Variants in LPAR1 observed in about 807,000 individuals in gnomAD.
LPAR1 encodes lysophosphatidic acid receptor 1.
LPAR1 carries 5 observed loss-of-function variants against 23.8 expected under a neutral mutation model. That is an observed-to-expected ratio of 0.21 (90% CI 0.11 to 0.44). The LOEUF (loss-of-function observed/expected upper bound fraction) is 0.44, where lower values mean the gene tolerates loss of function less well. Among genes scored for constraint, LPAR1 ranks in the 20% least tolerant of loss-of-function variants. LPAR1 has a pLI of 0.99. For synonymous variants in LPAR1, 160 were observed against 164.7 expected (o/e 0.97, Z 0.22); for missense variants, 311 against 482.8 (o/e 0.64, Z 3.33).
chr9:110,892,822 AAGGAAGGC>A (rs1275052356), intron 5 of LPAR1, among the ~76,000 whole-genome samples: 2,671 of 84,044 alleles, frequency 0.032, 24 homozygotes, highest in Middle Eastern at 0.046. Flanking sequence ...GGAAGGAAGG[AAGGAAGGC>A]AGGCAGGCAG....
chr9:111,005,395 A>C (rs924749885), intron 2 of LPAR1, among the ~76,000 whole-genome samples: 6 of 151,294 alleles, frequency 4.0e-5, no homozygotes, highest in African/African-American at 1.5e-4. Context: ...TGGTGAAAAA[A>C]ATTAGCTGGG....
intron 5 of LPAR1, among the ~76,000 whole-genome samples, chr9:110,891,346 A>T (rs1408390332): frequency 6.6e-6 from 1 of 152,200 alleles, no homozygotes; most frequent in Non-Finnish European, 1.5e-5. Flanking sequence ...AAATAAATGG[A>T]ACTAGTACCA....
chr9:111,003,242 A>G (rs2097160813), intron 2 of LPAR1, among the ~76,000 whole-genome samples: 1 of 152,204 alleles, frequency 6.6e-6, no homozygotes, highest in Non-Finnish European at 1.5e-5. Context: ...TATATAAAGT[A>G]TTTAAACCAC....
chr9:110,925,320 G>A (rs764377328), intron 5 of LPAR1, among the ~76,000 whole-genome samples: 34 of 151,620 alleles, frequency 2.2e-4, no homozygotes, highest in Non-Finnish European at 3.5e-4. Context: ...ACATTGGTCC[G>A]TGTATCCAAG....
At position 110,945,615 on chromosome 9, in the gene LPAR1, C is replaced by T. The variant is rs145164558; in HGVS notation, c.46-3447G>A. Among the ~76,000 whole-genome samples the T allele has an allele frequency of 4.0e-3, 616 of 152,258 alleles. 6 individuals carry two copies. The highest frequency in any genetic ancestry group is 0.014 in the African/African-American group (591 of 41,540). ...TAACAAATTGCTATAAATTTAGCAG[C>T]ATAAATATACAAATTTATTCTCTTA... On this transcript the variant is annotated intron_variant, in intron 4 of 5. Coordinates refer to ENST00000683809, the MANE Select transcript of LPAR1 (RefSeq NM_001351411.2).
At chr9:111,019,966 T>C (rs904820842) in intron 2 of LPAR1, among the ~76,000 whole-genome samples, 10 of 152,344 alleles carry the variant, frequency 6.6e-5, no homozygotes, top group Non-Finnish European at 1.0e-4. Context: ...GCTCTCCTTT[T>C]GGCTTGCAGA....
rs117541680 is a variant in LPAR1, at chr9:110,873,707, C to A, written c.*1714G>T. On this transcript the variant is annotated 3_prime_UTR_variant, in exon 6 of 6. Coordinates refer to ENST00000683809, the MANE Select transcript of LPAR1 (RefSeq NM_001351411.2). The stretch of plus-strand genomic sequence containing the variant: ...GGCAGCCTATCGGGGTGATTCCTGG[C>A]GAATACACAGTAACCAACCACATAC... 1 of 152,212 alleles carries A rather than the reference C, an allele frequency of 6.6e-6. No homozygotes were observed. The highest frequency in any genetic ancestry group is 2.4e-5 in the African/African-American group (1 of 41,454). The allele number at this position is 152,212 out of a possible 1,614,324, so 9.4% of individuals were successfully genotyped here.
chr9:111,029,100 A>G (rs139294751), intron 2 of LPAR1, among the ~76,000 whole-genome samples: 27 of 152,374 alleles, frequency 1.8e-4, no homozygotes, highest in Non-Finnish European at 3.4e-4. Flanking sequence ...AAAATAACCT[A>G]AAGAATTGAA....
chr9:111,017,196 T>C (rs888077505), intron 2 of LPAR1, among the ~76,000 whole-genome samples: 13 of 152,160 alleles, frequency 8.5e-5, no homozygotes, highest in Non-Finnish European at 1.5e-4. Context: ...AGGTGGGCCC[T>C]TGGTCTCGGT....
chr9:110,923,362 T>A (rs992110051), intron 5 of LPAR1, among the ~76,000 whole-genome samples: 1 of 152,190 alleles, frequency 6.6e-6, no homozygotes, highest in African/African-American at 2.4e-5. Flanking sequence ...ATACACCCAT[T>A]CCTTAGAAAC....
intron 3 of LPAR1, 141 bp downstream of exon 3, chr9:110,973,340 C>T (rs779463645): frequency 2.0e-5 from 3 of 152,174 alleles, no homozygotes; most frequent in Non-Finnish European, 4.4e-5. Flanking sequence ...TAGAGTCACA[C>T]ATTTAATGGT....
At chr9:110,888,531 T>C (rs1387933012) in intron 5 of LPAR1, among the ~76,000 whole-genome samples, 1 of 150,876 alleles carries the variant, frequency 6.6e-6, no homozygotes, top group Admixed American at 6.6e-5. Context: ...ATTTCATTAG[T>C]TATGTGACTA....
chr9:110,950,666 T>G (rs938515951), intron 4 of LPAR1, among the ~76,000 whole-genome samples: 3 of 152,056 alleles, frequency 2.0e-5, no homozygotes, highest in Admixed American at 2.0e-4. Flanking sequence ...TAGTTATTAT[T>G]TCAAGAAAGA....
In LPAR1 at chr9:110,933,279, G is replaced by C. The variant is rs556682180; in HGVS notation, c.793+8142C>G. Among the ~76,000 whole-genome samples the C allele has an allele frequency of 5.9e-5, 9 of 152,254 alleles. No individual in the cohort carries two copies. In the South Asian group the frequency reaches 1.2e-3, roughly 21 times the overall value. ...CATCTCGCACATCAAATTATACGTG[G>C]ACTTGGTGTGTAGGTAGATGTGAAT... On this transcript the variant is annotated intron_variant, in intron 5 of 5. Transcript: ENST00000683809.
At chr9:110,947,375 A>G (rs1026161528) in intron 4 of LPAR1, among the ~76,000 whole-genome samples, 11 of 152,250 alleles carry the variant, frequency 7.2e-5, no homozygotes, top group African/African-American at 2.7e-4. Flanking sequence ...TCAAAACTGA[A>G]AAGAGAAGTT....
At chr9:110,895,983 T>G (rs182643348) in intron 5 of LPAR1, among the ~76,000 whole-genome samples, 1 of 152,284 alleles carries the variant, frequency 6.6e-6, no homozygotes. Context: ...TAGTCAAAAA[T>G]CTTAATCAGA....
At chr9:110,887,524 GT>G (rs2082739178) in intron 5 of LPAR1, among the ~76,000 whole-genome samples, 1 of 152,072 alleles carries the variant, frequency 6.6e-6, no homozygotes, top group South Asian at 2.1e-4. Context: ...GGTACGGTCT[GT>G]TCTAATATGA....
intron 4 of LPAR1, among the ~76,000 whole-genome samples, chr9:110,957,339 C>CAA (rs35370181): frequency 0.018 from 2,548 of 140,246 alleles, 70 homozygotes; most frequent in African/African-American, 0.065. Flanking sequence ...TACTCTGTCT[C>CAA]AAAAAAAAAA....
At chr9:111,029,878 C>G (rs1253529356) in intron 2 of LPAR1, among the ~76,000 whole-genome samples, 1 of 151,534 alleles carries the variant, frequency 6.6e-6, no homozygotes, top group Non-Finnish European at 1.5e-5. Flanking sequence ...CAGTGAAACC[C>G]CATCTCTACC....
Sources: allele counts gnomAD v4.1 joint callset (sites outside exome capture counted in the v4.1 genomes callset), GRCh38; gene constraint gnomAD v4.1.1; transcripts MANE v1.5; gene names NCBI Gene and HGNC (gene_info 2026-07-23, HGNC 2026-07-21).